CLU: variants seen among roughly 807,000 people sequenced by gnomAD.
The protein encoded by CLU is aging-associated protein 4.
In CLU, 25 loss-of-function variants were observed where a neutral mutation model predicts 46.4. The observed-to-expected ratio is 0.54, with a 90% confidence interval of 0.39 to 0.75. The LOEUF is 0.75. CLU is among the 30% of genes least tolerant of loss of function. The pLI is 0.00. For missense variants in CLU, 504 were observed against 592.1 expected (o/e 0.85, Z 1.54); for synonymous variants, 235 against 235.1 (o/e 1.00, Z 0.00).
In CLU at chr8:27,599,897, C is replaced by A. The variant is rs755431340; in HGVS notation, c.1047G>T (p.Gln349His). ...AGGAGGAGGTGTTGAGCATCTTCCACTGGTAGGACTTTAGCAGCTCGTTGT... is the reference window on the plus strand; with the variant it reads ...AGGAGGAGGTGTTGAGCATCTTCCAATGGTAGGACTTTAGCAGCTCGTTGT... ...RKYNELLKSY[Q>H]WKMLNTSSLL... The change falls in exon 7 of 9, where the codon CAG becomes CAT. Residue 349 changes from glutamine to histidine, a missense_variant. By Grantham distance (24) the Gln-to-His change is conservative. This residue lies in a region of CLU where 428 missense variants were observed against 484.0 expected (regional missense o/e 0.88). Coordinates refer to ENST00000316403, the MANE Select transcript of CLU (RefSeq NM_001831.4). This position sits in a 1 kb window ranked among gnomAD's most constrained non-coding sequence, Gnocchi z 4.0. The A allele has an allele frequency of 6.2e-7, 1 of 1,614,236 alleles. No homozygotes were observed.
In CLU at chr8:27,599,961, T is replaced by C; in HGVS notation, c.983A>G (p.Asp328Gly). The C allele has an allele frequency of 6.2e-7, 1 of 1,614,152 alleles. No individual in the cohort carries two copies. Among genetic ancestry groups the C allele is most frequent in the Non-Finnish European group, 8.5e-7 (1 of 1,180,040 alleles). Residue 328 changes from aspartate to glycine, a missense_variant, in exon 7 of 9, where the codon GAC (aspartate) becomes GGC (glycine). Physicochemically the swap from Asp to Gly is moderately conservative, Grantham distance 94. Coordinates refer to ENST00000316403, the MANE Select transcript of CLU (RefSeq NM_001831.4). The surrounding 1 kb of genome is among the most constrained non-coding windows in gnomAD (Gnocchi z 4.0). ...CCTCTCAGCGACCTGGAGGGATTCGTCGAGCTCCCGCCGCAGCTTAGCCTG... is the reference window on the plus strand; with the variant it reads ...CCTCTCAGCGACCTGGAGGGATTCGCCGAGCTCCCGCCGCAGCTTAGCCTG... ...PSQAKLRRELDESLQVAERLT... is the reference protein window; with the variant it reads ...PSQAKLRRELGESLQVAERLT...
In CLU at chr8:27,599,484, AAAC is replaced by A. The variant is rs771114415; in HGVS notation, c.1164+293_1164+295del. On this transcript the variant is annotated intron_variant, in intron 7 of 8. Coordinates refer to ENST00000316403, the MANE Select transcript of CLU (RefSeq NM_001831.4). The surrounding 1 kb of genome is among the most constrained non-coding windows in gnomAD (Gnocchi z 4.0). ...TTCACAGATTTGTGCACCAAAACAA[AAAC>A]AACAACAACAAAATACAGGCTTGGC... The A allele has an allele frequency of 2.4e-4, 101 of 421,258 alleles. 1 individual carries two copies. Among genetic ancestry groups the A allele is most frequent in the Admixed American group, 1.2e-3 (33 of 26,940 alleles). 26.1% of individuals were successfully genotyped at this position (421,258 alleles called of 1,614,324 possible).
At chr8:27,614,311 G>A (rs1348594768) in intron 1 of CLU, 9 of 208,420 alleles carry the variant, frequency 4.3e-5, no homozygotes. Flanking sequence ...GGCCAGCTCT[G>A]TCACCTGCTA....
At chr8:27,605,723 G>A (rs980750931) in intron 4 of CLU, among the ~76,000 whole-genome samples, 5 of 152,216 alleles carry the variant, frequency 3.3e-5, no homozygotes, top group African/African-American at 9.6e-5. Flanking sequence ...GAGGACAGGA[G>A]CAACACTAAT....
intron 2 of CLU, among the ~76,000 whole-genome samples, chr8:27,609,628 T>C (rs1053715371): frequency 2.0e-5 from 3 of 152,286 alleles, no homozygotes; most frequent in Admixed American, 2.0e-4. Context: ...GTTTATCCCA[T>C]GCCAAGCACT....
At chr8:27,612,279 C>G (rs1283719090) in intron 1 of CLU, among the ~76,000 whole-genome samples, 1 of 152,234 alleles carries the variant, frequency 6.6e-6, no homozygotes, top group African/African-American at 2.4e-5. Flanking sequence ...CTCCCGACCC[C>G]TAGTCCAGTA....
intron 6 of CLU, among the ~76,000 whole-genome samples, chr8:27,601,512 T>C (rs952240198): frequency 2.0e-5 from 3 of 152,228 alleles, no homozygotes; most frequent in African/African-American, 7.2e-5. Context: ...AGAGAATTCA[T>C]TCCTCTTGGC....
chr8:27,604,131 T>C, intron 6 of CLU, 160 bp downstream of exon 6: 2 of 661,754 alleles, frequency 3.0e-6, no homozygotes, highest in East Asian at 2.8e-5. Flanking sequence ...CGAAGCTGCA[T>C]GAGGCTCAGG....
chr8:27,611,165 G>A (rs768379897), intron 1 of CLU: 361 of 453,266 alleles, frequency 8.0e-4, no homozygotes, highest in Middle Eastern at 4.1e-3. Context: ...ACTTTCAAGA[G>A]CCGGAGGCAA....
intron 2 of CLU, 32 bp from the exon 3 acceptor site, chr8:27,609,118 C>T (rs368103101): frequency 9.9e-6 from 16 of 1,611,650 alleles, no homozygotes; most frequent in Admixed American, 1.7e-5. Context: ...CAGAATGAGG[C>T]GAGAGGAAGA....
chr8:27,613,333 C>T (rs2128910855), intron 1 of CLU, among the ~76,000 whole-genome samples: 1 of 150,962 alleles, frequency 6.6e-6, no homozygotes, highest in African/African-American at 2.4e-5. Flanking sequence ...TTGCAGTGAG[C>T]CGAGATGGCG....
intron 6 of CLU, among the ~76,000 whole-genome samples, chr8:27,603,238 T>A (rs1439057079): frequency 1.3e-5 from 2 of 152,242 alleles, no homozygotes; most frequent in African/African-American, 4.8e-5. Flanking sequence ...ATGTAATTGA[T>A]GCCACTCTAT....
At chr8:27,601,771 T>C (rs1394866730) in intron 6 of CLU, among the ~76,000 whole-genome samples, 1 of 152,034 alleles carries the variant, frequency 6.6e-6, no homozygotes. Flanking sequence ...AAATATGTAA[T>C]AAATAAACTT....
Position 27,598,460 on chromosome 8 carries a change from C to T in CLU, c.1340G>A (p.Arg447Gln), listed in dbSNP as rs751443599. 9 of 1,613,974 alleles carry T rather than the reference C, an allele frequency of 5.6e-6. No individual in the cohort carries two copies. In the Admixed American group the frequency reaches 6.7e-5, roughly 12 times the overall value. Residue 447 changes from arginine (R) to glutamine (Q), a missense_variant and splice_region_variant, in exon 8 of 9, where the codon CGG (arginine) becomes CAG (glutamine). By Grantham distance (43) the Arg-to-Gln change is conservative. Around this residue, in one of 3 missense-constraint regions of CLU, gnomAD observed 428 missense variants for 484.0 expected, o/e 0.88. Coordinates refer to ENST00000316403, the MANE Select transcript of CLU (RefSeq NM_001831.4). Reference sequence around the variant, plus strand: ...CCGCAGGAAAGGCCCGCCTGCTTACCGGTGCTTTTTGCGGTATTCCTGCAG... The same window carrying T: ...CCGCAGGAAAGGCCCGCCTGCTTACTGGTGCTTTTTGCGGTATTCCTGCAG... ...KALQEYRKKH[R>Q]EE
In CLU at chr8:27,608,560, A is replaced by G. The variant is rs751819590; in HGVS notation, c.246+378T>C. The stretch of plus-strand genomic sequence containing the variant: ...CGTGGGGTGCTGTGTGCCTGCCTTA[A>G]CCCTAACCATATCACCCCTATTAGA... On this transcript the variant is annotated intron_variant, in intron 3 of 8. Transcript: ENST00000316403. 335 of 413,444 alleles carry G rather than the reference A, an allele frequency of 8.1e-4. 2 individuals carry two copies. The highest frequency in any genetic ancestry group is 7.8e-4 in the Non-Finnish European group (173 of 222,422). 25.6% of individuals were successfully genotyped at this position (413,444 alleles called of 1,614,324 possible). A position where few individuals can be genotyped will look rare whatever the true frequency, so the allele number is the denominator to read the frequency against.
intron 4 of CLU, among the ~76,000 whole-genome samples, chr8:27,605,741 A>G (rs1358619925): frequency 2.0e-5 from 3 of 152,212 alleles, no homozygotes; most frequent in Admixed American, 1.3e-4. Flanking sequence ...AATATACTAC[A>G]AAATCTTACA....
Position 27,598,115 on chromosome 8 carries a change from T to C in CLU, c.*126A>G, listed in dbSNP as rs752928666. 2.3e-6 allele frequency: 2 copies of C among 862,960 alleles called. No individual in the cohort carries two copies. Among genetic ancestry groups the C allele is most frequent in the African/African-American group, 3.3e-5 (2 of 59,758 alleles). 53.5% of individuals were successfully genotyped at this position (862,960 alleles called of 1,614,324 possible). On this transcript the variant is annotated 3_prime_UTR_variant, in exon 9 of 9. Coordinates refer to ENST00000316403, the MANE Select transcript of CLU (RefSeq NM_001831.4). ...CAGAGCGGGGAGAGGCTGGGCGGAG[T>C]TGGGGGCCTGGAGGCTGGGGCCTGG... is the stretch of plus-strand genomic sequence containing the variant.
At position 27,599,447 on chromosome 8, in the gene CLU, G is replaced by T; in HGVS notation, c.1164+333C>A. 1 of 343,586 alleles carries T rather than the reference G, an allele frequency of 2.9e-6. No individual in the cohort carries two copies. Among genetic ancestry groups the T allele is most frequent in the South Asian group, 2.9e-5 (1 of 34,820 alleles). 21.3% of individuals were successfully genotyped at this position (343,586 alleles called of 1,614,324 possible). On this transcript the variant is annotated intron_variant, in intron 7 of 8. Transcript: ENST00000316403. This position sits in a 1 kb window ranked among gnomAD's most constrained non-coding sequence, Gnocchi z 4.0. The stretch of plus-strand genomic sequence containing the variant: ...TTGTAGCTTTGAGAAAAGAACAGAG[G>T]CTTCTGGTTTATTCACAGATTTGTG...
intron 5 of CLU, 127 bp from the exon 6 acceptor site, chr8:27,604,522 G>T: frequency 1.2e-6 from 1 of 830,548 alleles, no homozygotes; most frequent in Non-Finnish European, 2.0e-6. Flanking sequence ...GCCCAGGCTG[G>T]AATGCAATGG....
Sources: gnomAD v4.1 joint callset for allele counts (sites outside exome capture counted in the v4.1 genomes callset) on GRCh38, gnomAD v4.1.1 for gene constraint, gnomAD v4.1.1 regional missense constraint, Gnocchi (gnomAD v3.1) non-coding constraint, MANE v1.5 for transcripts, NCBI Gene and HGNC (gene_info 2026-07-23, HGNC 2026-07-21) for gene names.